PLEKHG1: variants seen among roughly 807,000 people sequenced by gnomAD.
PLEKHG1 encodes the protein pleckstrin homology and RhoGEF domain containing G1, also known as pleckstrin homology domain-containing family G member 1.
Under a neutral mutation model 100.8 loss-of-function variants are expected in PLEKHG1, and 44 were observed. The observed-to-expected ratio is 0.44, with a 90% CI of 0.34 to 0.56. The LOEUF is 0.56. Ranked by LOEUF, PLEKHG1 falls within the 20% of genes least tolerant of loss-of-function variation. The pLI, the probability that PLEKHG1 is intolerant of heterozygous loss-of-function variation, is 0.01. For missense variants in PLEKHG1, 1,545 were observed against 1,720.9 expected (o/e 0.90, Z 1.81); for synonymous variants, 640 against 662.5 (o/e 0.97, Z 0.52).
At chr6:150,631,403 G>T (rs1427363178) in intron 1 of PLEKHG1, among the ~76,000 whole-genome samples, 4 of 152,214 alleles carry the variant, frequency 2.6e-5, no homozygotes, top group Admixed American at 1.3e-4. Context: ...TGCAATGGGT[G>T]CTGCTGTCCT....
chr6:150,775,189 C>T (rs551019971), intron 3 of PLEKHG1, among the ~76,000 whole-genome samples: 32 of 152,126 alleles, frequency 2.1e-4, no homozygotes, highest in Non-Finnish European at 3.1e-4. Flanking sequence ...TCATTTGAAC[C>T]AGCCCCCTAA....
chr6:150,628,402 C>T (rs1777586016), intron 1 of PLEKHG1, among the ~76,000 whole-genome samples: 1 of 152,086 alleles, frequency 6.6e-6, no homozygotes, highest in South Asian at 2.1e-4. Flanking sequence ...GTAAGAAGAG[C>T]AGAAAGTGGC....
chr6:150,617,577 C>T (rs970426901), intron 1 of PLEKHG1, among the ~76,000 whole-genome samples: 2 of 152,180 alleles, frequency 1.3e-5, no homozygotes, highest in African/African-American at 4.8e-5. Context: ...ATCTCCTTGT[C>T]TCTGTTTCCC....
chr6:150,635,934 C>T (rs1777979301), intron 1 of PLEKHG1, among the ~76,000 whole-genome samples: 1 of 152,138 alleles, frequency 6.6e-6, no homozygotes, highest in Admixed American at 6.5e-5. Context: ...TAGTGGCTTA[C>T]AGAAAGCAGG....
In PLEKHG1 at chr6:150,746,640, GTT is replaced by G. The variant is rs1443214808; in HGVS notation, c.411+12553_411+12554del. Among the ~76,000 whole-genome samples, 4 of 152,332 alleles carry G rather than the reference GTT, an allele frequency of 2.6e-5. No individual in the cohort carries two copies. The East Asian group carries it at 7.7e-4, about 29-fold the overall frequency. On this transcript the variant is annotated intron_variant, in intron 2 of 15. Coordinates refer to ENST00000358517, the Ensembl canonical transcript of PLEKHG1. ...GATTACTTGTAAATAGTTGTAGGAA[GTT>G]TTTTACTGAAAGGATTTGCATAATT...
At chr6:150,828,855 C>A (rs1776757308) in intron 14 of PLEKHG1, among the ~76,000 whole-genome samples, 1 of 152,022 alleles carries the variant, frequency 6.6e-6, no homozygotes, top group Non-Finnish European at 1.5e-5. Context: ...TAAACCAGTG[C>A]AGTCTGAGTA....
intron 1 of PLEKHG1, among the ~76,000 whole-genome samples, chr6:150,612,055 C>A (rs185848344): frequency 3.8e-5 from 4 of 104,812 alleles, no homozygotes; most frequent in East Asian, 2.7e-4. Context: ...TCCCCCCCCC[C>A]CCCCCTTTTC....
intron 3 of PLEKHG1, among the ~76,000 whole-genome samples, chr6:150,785,545 AT>A (rs1785575331): frequency 6.6e-6 from 1 of 152,230 alleles, no homozygotes; most frequent in African/African-American, 2.4e-5. Context: ...TAGTAAAAAA[AT>A]AACATGAATT....
chr6:150,660,429 C>T (rs768548145), intron 3 of PLEKHG1, among the ~76,000 whole-genome samples: 1 of 152,040 alleles, frequency 6.6e-6, no homozygotes, highest in Non-Finnish European at 1.5e-5. Context: ...AAATTTTTCT[C>T]AGGTGGATTT....
intron 1 of PLEKHG1, chr6:150,605,566 A>T (rs1469577648): frequency 6.6e-6 from 1 of 152,240 alleles, no homozygotes; most frequent in Admixed American, 6.5e-5. Context: ...ATTCCTGACC[A>T]ATACAAGAGA....
At chr6:150,757,939 C>T (rs1256405430) in intron 2 of PLEKHG1, among the ~76,000 whole-genome samples, 3 of 152,126 alleles carry the variant, frequency 2.0e-5, no homozygotes, top group Admixed American at 1.3e-4. Context: ...CAAGTGAGAA[C>T]ATTTGCTGTT....
At chr6:150,796,914 G>T (rs974714021) in intron 5 of PLEKHG1, among the ~76,000 whole-genome samples, 1 of 152,178 alleles carries the variant, frequency 6.6e-6, no homozygotes, top group African/African-American at 2.4e-5. Context: ...GAAACTTTGT[G>T]ATTCTCCCCC....
intron 1 of PLEKHG1, among the ~76,000 whole-genome samples, chr6:150,613,254 A>G (rs1006473276): frequency 1.3e-5 from 2 of 152,218 alleles, no homozygotes; most frequent in African/African-American, 2.4e-5. Context: ...CCCTTATCAA[A>G]GAAGTCCTAC....
intron 2 of PLEKHG1, among the ~76,000 whole-genome samples, chr6:150,648,095 A>G (rs1160879459): frequency 6.6e-6 from 1 of 152,076 alleles, no homozygotes; most frequent in Non-Finnish European, 1.5e-5. Flanking sequence ...TCTGAATATG[A>G]TCTATTTTCA....
chr6:150,818,638 C>T (rs1314295886), intron 11 of PLEKHG1, among the ~76,000 whole-genome samples: 1 of 152,206 alleles, frequency 6.6e-6, no homozygotes, highest in East Asian at 1.9e-4. Flanking sequence ...GCAGAAACTT[C>T]TAAAATCACA....
intron 4 of PLEKHG1, among the ~76,000 whole-genome samples, chr6:150,789,585 T>C (rs1487958417): frequency 6.6e-6 from 1 of 152,052 alleles, no homozygotes; most frequent in East Asian, 1.9e-4. Context: ...TGGCTAGGAG[T>C]AAGTCACTAT....
At chr6:150,735,595 A>G (rs1782522462) in intron 2 of PLEKHG1, among the ~76,000 whole-genome samples, 1 of 152,252 alleles carries the variant, frequency 6.6e-6, no homozygotes, top group Admixed American at 6.5e-5. Flanking sequence ...CCGAAACAAT[A>G]TGTGGTACCA....
At chr6:150,703,204 T>C (rs958757793) in intron 3 of PLEKHG1, among the ~76,000 whole-genome samples, 1 of 152,100 alleles carries the variant, frequency 6.6e-6, no homozygotes, top group Non-Finnish European at 1.5e-5. Context: ...CTCCTTCTTG[T>C]AAGTTTATCA....
chr6:150,636,460 C>T (rs986218787), intron 1 of PLEKHG1, among the ~76,000 whole-genome samples: 20 of 144,136 alleles, frequency 1.4e-4, no homozygotes, highest in Admixed American at 1.1e-3. Flanking sequence ...CTGTAATTAA[C>T]GTGGCTCAGT....
Sources: gnomAD v4.1 joint callset for allele counts (sites outside exome capture counted in the v4.1 genomes callset) on GRCh38, gnomAD v4.1.1 for gene constraint, MANE v1.5 for transcripts, NCBI Gene and HGNC (gene_info 2026-07-23, HGNC 2026-07-21) for gene names.